TRPM1: variants seen among roughly 807,000 people sequenced by gnomAD.
TRPM1 encodes the protein TRPM1-203 APA Isoform, Intron 10.
In TRPM1, 113 loss-of-function variants were observed where a neutral mutation model predicts 149.4. The observed-to-expected ratio is 0.76, with a 90% confidence interval of 0.65 to 0.88. The LOEUF is 0.88. Among genes scored for constraint, TRPM1 ranks in the 40% least tolerant of loss-of-function variants. The probability of loss-of-function intolerance (pLI) is 0.00; values close to 1 mark genes in which losing one functional copy is unlikely to be tolerated. For synonymous variants in TRPM1, 741 were observed against 759.5 expected, an observed-to-expected ratio of 0.98 and a Z score of 0.40; for missense variants, 1,976 against 2,038.7, an observed-to-expected ratio of 0.97 and a Z score of 0.59.
In TRPM1 at chr15:31,015,786, A is replaced by AT. The variant is rs145271936; in HGVS notation, c.3629+10352dup. ...TAGCTTTAACTCTTTCCTTCCATCC[A>AT]TGGCAGCCCTTAATCTTAACACCCT... On this transcript the variant is annotated intron_variant, in intron 27 of 27. Coordinates refer to ENST00000256552, the MANE Select transcript of TRPM1 (RefSeq NM_001252024.2). Among the ~76,000 whole-genome samples the AT allele has an allele frequency of 8.3e-3, 1,267 of 152,224 alleles. 13 individuals are homozygous for AT. The highest frequency in any genetic ancestry group is 0.029 in the African/African-American group (1,215 of 41,510).
intron 1 of TRPM1, among the ~76,000 whole-genome samples, chr15:31,113,264 G>A (rs895469975): frequency 6.6e-6 from 1 of 152,100 alleles, no homozygotes; most frequent in Non-Finnish European, 1.5e-5. Flanking sequence ...CACAGGACAG[G>A]ACCCCTGATT....
chr15:31,141,399 T>G (rs944952842), intron 1 of TRPM1, among the ~76,000 whole-genome samples: 3 of 152,152 alleles, frequency 2.0e-5, no homozygotes, highest in African/African-American at 7.2e-5. Context: ...GAGAAAATTG[T>G]AGAAGGACAT....
At chr15:31,039,468 T>A (rs778332467) in intron 18 of TRPM1, among the ~76,000 whole-genome samples, 37 of 152,270 alleles carry the variant, frequency 2.4e-4, no homozygotes, top group Middle Eastern at 3.4e-3. Flanking sequence ...AGTCTTTTCT[T>A]TATCCTCATG....
chr15:31,105,274 G>T (rs1484033478), upstream of TRPM1, among the ~76,000 whole-genome samples: 2 of 152,166 alleles, frequency 1.3e-5, no homozygotes, highest in Non-Finnish European at 2.9e-5. Context: ...AGATGTTTGG[G>T]ATCATCTTGT....
rs554194778 is a variant in TRPM1 at position 31,028,325 on chromosome 15, C to T, written c.3293+7G>A. The T allele has an allele frequency of 4.1e-4, 663 of 1,614,074 alleles. 8 individuals are homozygous for T. In the South Asian group the frequency reaches 6.7e-3, roughly 16 times the overall value. On this transcript the variant is annotated splice_region_variant and intron_variant, in intron 25 of 27. Transcript: ENST00000256552. ...ATAAGCATGTGGTCATCGGCTGTGACACGTACTTGAACACAGCAATCAGCA... is the reference window on the plus strand; with the variant it reads ...ATAAGCATGTGGTCATCGGCTGTGATACGTACTTGAACACAGCAATCAGCA...
At chr15:31,039,332 CT>C (rs1304446724) in intron 18 of TRPM1, among the ~76,000 whole-genome samples, 1 of 152,108 alleles carries the variant, frequency 6.6e-6, no homozygotes, top group Non-Finnish European at 1.5e-5. Context: ...TATTAATATC[CT>C]AAGTTATGTA....
chr15:31,130,928 C>G (rs2036008489), intron 1 of TRPM1, among the ~76,000 whole-genome samples: 1 of 152,186 alleles, frequency 6.6e-6, no homozygotes, highest in Non-Finnish European at 1.5e-5. Context: ...CTCTCCATTG[C>G]AATTCCCCTG....
intron 25 of TRPM1, 113 bp downstream of exon 25, chr15:31,028,219 C>T: frequency 1.4e-6 from 2 of 1,403,100 alleles, no homozygotes; most frequent in Non-Finnish European, 2.0e-6. Context: ...TACTTAAAAA[C>T]CCTAATGAAA....
At chr15:31,159,064 C>T (rs1199931453) in intron 1 of TRPM1, among the ~76,000 whole-genome samples, 1 of 152,158 alleles carries the variant, frequency 6.6e-6, no homozygotes, top group East Asian at 1.9e-4. Context: ...CCTTTGACCC[C>T]ACCACAGCAT....
intron 1 of TRPM1, among the ~76,000 whole-genome samples, chr15:31,140,100 C>G (rs2036139883): frequency 6.6e-6 from 1 of 151,760 alleles, no homozygotes; most frequent in African/African-American, 2.4e-5. Flanking sequence ...GGCACGGTGG[C>G]TCATGCCTGT....
intron 1 of TRPM1, among the ~76,000 whole-genome samples, chr15:31,133,600 T>A (rs2036049783): frequency 6.6e-6 from 1 of 151,452 alleles, no homozygotes; most frequent in South Asian, 2.1e-4. Flanking sequence ...GAGAAGTGCT[T>A]GAACCTGGGA....
In TRPM1 at chr15:31,076,711, A is replaced by T. The variant is rs74010765; in HGVS notation, c.83+194T>A. On this transcript the variant is annotated intron_variant, in intron 3 of 27. Coordinates refer to ENST00000256552, the MANE Select transcript of TRPM1 (RefSeq NM_001252024.2). Reference sequence around the variant, plus strand: ...GTTCGCATTAGGGTGGGTGGTGGACACAAACTCTTTTCTGAAGCCATTTGC... The same window carrying T: ...GTTCGCATTAGGGTGGGTGGTGGACTCAAACTCTTTTCTGAAGCCATTTGC... 4.5e-3 allele frequency among the ~76,000 whole-genome samples: 683 copies of T among 152,264 alleles called. 6 individuals are homozygous for T. The highest frequency in any genetic ancestry group is 0.016 in the African/African-American group (649 of 41,540).
Position 31,026,960 on chromosome 15 carries a change from T to TG in TRPM1, c.3450dup (p.Arg1151GlnfsTer20), listed in dbSNP as rs2032794322. On this transcript the variant is annotated frameshift_variant, in exon 26 of 28. Coordinates refer to ENST00000256552, the MANE Select transcript of TRPM1 (RefSeq NM_001252024.2). LOFTEE classifies it high-confidence loss of function. ...TCTTGGTCCCCTTCTCTCTTTTTCCTGCAGCGGCCGCTGAGACGCATAATG... is the reference window on the plus strand; with the variant it reads ...TCTTGGTCCCCTTCTCTCTTTTTCCTGGCAGCGGCCGCTGAGACGCATAATG... 3 of 1,614,152 alleles carry TG rather than the reference T, an allele frequency of 1.9e-6. No individual in the cohort carries two copies. In the East Asian group the frequency reaches 6.7e-5, roughly 36 times the overall value.
At position 31,001,820 on chromosome 15, in the gene TRPM1, G is replaced by A; in HGVS notation, c.*2C>T. 3 of 1,609,684 alleles carry A rather than the reference G, an allele frequency of 1.9e-6. No individual in the cohort carries two copies. The highest frequency in any genetic ancestry group is 2.5e-6 in the Non-Finnish European group (3 of 1,179,780). On this transcript the variant is annotated 3_prime_UTR_variant, in exon 28 of 28. Coordinates refer to ENST00000256552, the MANE Select transcript of TRPM1 (RefSeq NM_001252024.2). ...AAAAAAAAATTAAAGAAACAAAACA[G>A]ACTAGCATTCAGTTTCTGTGGAAGC... is the stretch of plus-strand genomic sequence containing the variant.
In TRPM1 at chr15:31,054,295, T is replaced by C. The variant is rs549406773; in HGVS notation, c.1264-3713A>G. ...CTTCATTATGTTTTTTGTTTGTTTG[T>C]TTATTTGTTTGTTTTTTGAGACGGA... On this transcript the variant is annotated intron_variant, in intron 11 of 27. Coordinates refer to ENST00000256552, the MANE Select transcript of TRPM1 (RefSeq NM_001252024.2). 4.6e-5 allele frequency among the ~76,000 whole-genome samples: 7 copies of C among 152,242 alleles called. No homozygotes were observed. The South Asian group carries it at 1.5e-3, about 32-fold the overall frequency.
rs536204822 is a variant in TRPM1 at position 31,146,849 on chromosome 15, G to A, written c.54+14057C>T. Among the ~76,000 whole-genome samples, 5 of 152,282 alleles carry A rather than the reference G, an allele frequency of 3.3e-5. No individual in the cohort carries two copies. The South Asian group carries it at 6.2e-4, about 19-fold the overall frequency. ...TAAAAATACAAAAAATTAGCTGGGCGTGGTAGCACATGCCTGTAATCCCAG... is the reference window on the plus strand; with the variant it reads ...TAAAAATACAAAAAATTAGCTGGGCATGGTAGCACATGCCTGTAATCCCAG... On this transcript the variant is annotated intron_variant, in intron 1 of 26. Transcript: ENST00000542188.
chr15:31,079,648 G>A lies in TRPM1; in HGVS notation c.3+1705C>T, dbSNP rs114700335. Among the ~76,000 whole-genome samples the A allele has an allele frequency of 3.0e-3, 451 of 152,326 alleles. 6 individuals are homozygous for A. Among genetic ancestry groups the A allele is most frequent in the African/African-American group, 0.01 (431 of 41,564 alleles). ...CAGTCCATCCCACACTCAAGGGAGGGGGTTACACAAAGCATGCATATCAGC... is the reference window on the plus strand; with the variant it reads ...CAGTCCATCCCACACTCAAGGGAGGAGGTTACACAAAGCATGCATATCAGC... On this transcript the variant is annotated intron_variant, in intron 2 of 27. Coordinates refer to ENST00000256552, the MANE Select transcript of TRPM1 (RefSeq NM_001252024.2).
At chr15:31,154,630 G>A (rs1357852058) in intron 1 of TRPM1, among the ~76,000 whole-genome samples, 2 of 152,148 alleles carry the variant, frequency 1.3e-5, no homozygotes, top group Non-Finnish European at 2.9e-5. Context: ...CTTCTTGCCG[G>A]GGGACTAGAC....
intron 7 of TRPM1, among the ~76,000 whole-genome samples, chr15:31,064,472 A>T (rs530996955): frequency 5.3e-5 from 8 of 152,328 alleles, no homozygotes; most frequent in Admixed American, 2.0e-4. Flanking sequence ...GGATTCTGGA[A>T]TGGGAAGGAA....
Sources: gnomAD v4.1 joint callset for allele counts (sites outside exome capture counted in the v4.1 genomes callset) on GRCh38, gnomAD v4.1.1 for gene constraint, MANE v1.5 for transcripts, NCBI Gene and HGNC (gene_info 2026-07-23, HGNC 2026-07-21) for gene names.